EOGT: variants seen among roughly 807,000 people sequenced by gnomAD.
EOGT encodes the protein EGF domain-specific O-linked N-acetylglucosamine transferase.
Under a neutral mutation model 70.5 loss-of-function variants are expected in EOGT, and 55 were observed. That is an observed-to-expected ratio of 0.78 (90% CI 0.63 to 0.98). The LOEUF is 0.98. EOGT is among the 50% of genes least tolerant of loss of function. The pLI is 0.00. For missense variants in EOGT, 703 were observed against 641.9 expected, an observed-to-expected ratio of 1.10 and a Z score of -1.03; for synonymous variants, 246 against 217.1, an observed-to-expected ratio of 1.13 and a Z score of -1.17.
intron 4 of EOGT, among the ~76,000 whole-genome samples, chr3:69,008,742 C>T (rs906361386): frequency 3.9e-5 from 6 of 152,194 alleles, no homozygotes; most frequent in African/African-American, 1.2e-4. Context: ...CCCACCATAT[C>T]GGTCCCCTAA....
chr3:68,988,141 C>A (rs545779778), intron 13 of EOGT, among the ~76,000 whole-genome samples, 154 bp downstream of exon 13: 2 of 152,176 alleles, frequency 1.3e-5, no homozygotes, highest in Non-Finnish European at 2.9e-5. Flanking sequence ...TCTTGAAATC[C>A]TGGACTCAAG....
intron 9 of EOGT, among the ~76,000 whole-genome samples, chr3:68,999,625 T>C (rs2091245163): frequency 6.6e-6 from 1 of 152,212 alleles, no homozygotes; most frequent in Non-Finnish European, 1.5e-5. Flanking sequence ...TTGGAAGGGC[T>C]AATTTTTTCA....
intron 10 of EOGT, among the ~76,000 whole-genome samples, chr3:68,992,356 A>G (rs565000196): frequency 4.6e-5 from 7 of 152,336 alleles, no homozygotes; most frequent in African/African-American, 1.7e-4. Flanking sequence ...TGGCCAAAAC[A>G]AAGGGGTTAC....
At chr3:68,989,787 A>G (rs1180225189) in intron 10 of EOGT, among the ~76,000 whole-genome samples, 2 of 150,716 alleles carry the variant, frequency 1.3e-5, no homozygotes, top group African/African-American at 4.9e-5. Flanking sequence ...TTTAACATTA[A>G]AAATATAGGC....
At chr3:68,999,856 C>G (rs1284014976) in intron 9 of EOGT, among the ~76,000 whole-genome samples, 1 of 152,150 alleles carries the variant, frequency 6.6e-6, no homozygotes, top group Non-Finnish European at 1.5e-5. Flanking sequence ...AAGCTCCATC[C>G]TTGAGAAATG....
At chr3:69,005,106 T>C in intron 7 of EOGT, 34 bp downstream of exon 7, 1 of 1,176,292 alleles carries the variant, frequency 8.5e-7, no homozygotes, top group South Asian at 1.4e-5. Context: ...ATTTCAGAAT[T>C]TATACTAGAT....
intron 3 of EOGT, among the ~76,000 whole-genome samples, chr3:69,010,107 A>G (rs1355253865): frequency 6.6e-6 from 1 of 152,238 alleles, no homozygotes. Context: ...CCTTGCTCTC[A>G]TGGTGCCTTT....
intron 9 of EOGT, among the ~76,000 whole-genome samples, chr3:68,999,701 C>T (rs2091246394): frequency 6.6e-6 from 1 of 152,178 alleles, no homozygotes; most frequent in Non-Finnish European, 1.5e-5. Context: ...CTATCAGAAT[C>T]TATCCTCTTT....
At chr3:69,000,467 AT>A (rs2091267053) in intron 9 of EOGT, among the ~76,000 whole-genome samples, 1 of 152,244 alleles carries the variant, frequency 6.6e-6, no homozygotes, top group Non-Finnish European at 1.5e-5. Context: ...AACCTGGAAC[AT>A]AGCATTTTTA....
chr3:69,004,296 A>AT, intron 8 of EOGT, 82 bp downstream of exon 8: 1 of 1,033,858 alleles, frequency 9.7e-7, no homozygotes, highest in Non-Finnish European at 1.5e-6. Context: ...AACATTTTCC[A>AT]TTTGAGAGTC....
chr3:69,002,471 G>A (rs528086594), intron 8 of EOGT, among the ~76,000 whole-genome samples: 20 of 152,158 alleles, frequency 1.3e-4, no homozygotes, highest in African/African-American at 4.6e-4. Context: ...GAAAGTACCA[G>A]GAATCAAAAA....
intron 4 of EOGT, among the ~76,000 whole-genome samples, chr3:69,009,323 T>C (rs2091511590): frequency 6.6e-6 from 1 of 152,224 alleles, no homozygotes; most frequent in Non-Finnish European, 1.5e-5. Context: ...AGAAGAGGTG[T>C]GAAATTCTTT....
intron 8 of EOGT, among the ~76,000 whole-genome samples, chr3:69,003,468 G>C (rs1421010641): frequency 6.6e-6 from 1 of 152,010 alleles, no homozygotes; most frequent in Non-Finnish European, 1.5e-5. Context: ...AGTTCCCTCT[G>C]CACACGCTCT....
At chr3:69,006,033 A>T (rs1332338223) in intron 6 of EOGT, among the ~76,000 whole-genome samples, 1 of 152,180 alleles carries the variant, frequency 6.6e-6, no homozygotes, top group Non-Finnish European at 1.5e-5. Context: ...CAATGTGATG[A>T]TATTGTTTAG....
In EOGT at chr3:68,982,688, T is replaced by C. The variant is rs1432032019; in HGVS notation, c.1214+123A>G. The C allele has an allele frequency of 5.6e-6, 3 of 536,828 alleles. No homozygotes were observed. In the Admixed American group the frequency reaches 1.1e-4, roughly 20 times the overall value. The allele number at this position is 536,828 out of a possible 1,614,324, so 33.3% of individuals were successfully genotyped here. On this transcript the variant is annotated intron_variant, in intron 15 of 17. Transcript: ENST00000383701. ...ACCTGCCCATTTCATTCATCTGTAGTGTCTACTTGTCCCTTCTGGGCCTAC... is the reference window on the plus strand; with the variant it reads ...ACCTGCCCATTTCATTCATCTGTAGCGTCTACTTGTCCCTTCTGGGCCTAC...
chr3:68,985,113 A>G (rs979278776), intron 14 of EOGT, among the ~76,000 whole-genome samples: 5 of 152,194 alleles, frequency 3.3e-5, no homozygotes, highest in Non-Finnish European at 7.3e-5. Flanking sequence ...GGAGCACACA[A>G]TAATATGCTT....
At chr3:68,994,903 C>T (rs1380112091) in intron 10 of EOGT, among the ~76,000 whole-genome samples, 1 of 152,212 alleles carries the variant, frequency 6.6e-6, no homozygotes, top group East Asian at 1.9e-4. Context: ...AAGAGCAACC[C>T]TGCTGTGCCC....
At chr3:68,981,857 T>C (rs115375005) in intron 15 of EOGT, among the ~76,000 whole-genome samples, 4,361 of 152,098 alleles carry the variant, frequency 0.029, 215 homozygotes, top group African/African-American at 0.1. Flanking sequence ...CATTTGATAA[T>C]GTTATCAAAT....
intron 16 of EOGT, 26 bp downstream of exon 16, chr3:68,979,642 G>C (rs1406000795): frequency 6.2e-7 from 1 of 1,611,204 alleles, no homozygotes; most frequent in East Asian, 2.2e-5. Context: ...AGTTGCTTCA[G>C]TGTAAAACTG....
Sources: allele counts gnomAD v4.1 joint callset (sites outside exome capture counted in the v4.1 genomes callset), GRCh38; gene constraint gnomAD v4.1.1; transcripts MANE v1.5; gene names NCBI Gene and HGNC (gene_info 2026-07-23, HGNC 2026-07-21).